NDFIP2: variants seen among roughly 807,000 people sequenced by gnomAD.
The protein encoded by NDFIP2 is Nedd4 family interacting protein 2.
NDFIP2 carries 19 observed loss-of-function variants against 36.0 expected under a neutral mutation model. That is an observed-to-expected ratio of 0.53 (90% CI 0.37 to 0.77). The LOEUF is 0.77. Ranked by LOEUF, NDFIP2 falls within the 30% of genes least tolerant of loss-of-function variation. The pLI, the probability that NDFIP2 is intolerant of heterozygous loss-of-function variation, is 0.00. For missense variants in NDFIP2, 446 were observed against 435.8 expected (o/e 1.02, Z -0.21); for synonymous variants, 181 against 167.7 (o/e 1.08, Z -0.61).
chr13:79,507,045 A>G (rs1398954699), intron 1 of NDFIP2, among the ~76,000 whole-genome samples: 1 of 152,096 alleles, frequency 6.6e-6, no homozygotes, highest in African/African-American at 2.4e-5. Flanking sequence ...GCCATGAAAG[A>G]TGAAGTTGAG....
At position 79,543,628 on chromosome 13, in the gene NDFIP2, T is replaced by G; in HGVS notation, c.786T>G (p.Tyr262Ter). Residue 262 changes from tyrosine to a stop codon, truncating the protein, a stop_gained, in exon 5 of 8, where the codon TAT (tyrosine) becomes TAG (stop). Transcript: ENST00000218652. LOFTEE classifies it high-confidence loss of function. ...TCACCAATACCATAGCTGGAAGGTA[T>G]GGTGCTATCTGCGGATTTGGCCTTT... ...FCITNTIAGR[Y>*]GAICGFGLSL... is the part of the protein sequence containing the mutation. 1 of 1,614,070 alleles carries G rather than the reference T, an allele frequency of 6.2e-7. No homozygotes were observed. Among genetic ancestry groups the G allele is most frequent in the Non-Finnish European group, 8.5e-7 (1 of 1,179,954 alleles).
Position 79,481,201 on chromosome 13 carries a change from C to T in NDFIP2, c.-3C>T, listed in dbSNP as rs1208780740. ...CAGCTATACCCTCCCACTGGCGGCG[C>T]GGATGGCACGCCGGCGGAGCCAGCG... On this transcript the variant is annotated 5_prime_UTR_variant, in exon 1 of 8. Transcript: ENST00000218652. 1.3e-6 allele frequency: 2 copies of T among 1,503,040 alleles called. No individual in the cohort carries two copies. The highest frequency in any genetic ancestry group is 1.8e-6 in the Non-Finnish European group (2 of 1,133,814). 93.1% of individuals were successfully genotyped at this position (1,503,040 alleles called of 1,614,324 possible). A position where few individuals can be genotyped will look rare whatever the true frequency, so the allele number is the denominator to read the frequency against.
At chr13:79,517,028 G>C (rs935960292) in intron 1 of NDFIP2, among the ~76,000 whole-genome samples, 33 of 152,062 alleles carry the variant, frequency 2.2e-4, no homozygotes, top group South Asian at 4.1e-4. Context: ...CAGTTTTCTT[G>C]TTATTAAAAA....
At chr13:79,514,610 T>C (rs1874204408) in intron 1 of NDFIP2, among the ~76,000 whole-genome samples, 2 of 152,158 alleles carry the variant, frequency 1.3e-5, no homozygotes, top group Non-Finnish European at 2.9e-5. Context: ...CTGAACAATA[T>C]GTAGAGTTAG....
intron 1 of NDFIP2, among the ~76,000 whole-genome samples, chr13:79,517,263 T>C (rs1045603476): frequency 1.3e-5 from 2 of 152,158 alleles, no homozygotes; most frequent in Non-Finnish European, 2.9e-5. Flanking sequence ...TTTGAGGTGA[T>C]GTATAAATAG....
chr13:79,534,079 C>T (rs1371298040), intron 3 of NDFIP2, among the ~76,000 whole-genome samples: 1 of 152,152 alleles, frequency 6.6e-6, no homozygotes, highest in East Asian at 1.9e-4. Context: ...GCCTTCACTT[C>T]GCATCCTAAC....
At chr13:79,484,340 G>C (rs1414095654) in intron 1 of NDFIP2, among the ~76,000 whole-genome samples, 1 of 152,056 alleles carries the variant, frequency 6.6e-6, no homozygotes. Flanking sequence ...AAAGGATTAT[G>C]TACCTGTACC....
intron 4 of NDFIP2, among the ~76,000 whole-genome samples, chr13:79,540,412 A>G (rs1875409873): frequency 6.6e-6 from 1 of 152,172 alleles, no homozygotes; most frequent in African/African-American, 2.4e-5. Flanking sequence ...GACATAGTAA[A>G]CTCATTAAAT....
chr13:79,512,223 A>G (rs527432431), intron 1 of NDFIP2, among the ~76,000 whole-genome samples: 4 of 152,214 alleles, frequency 2.6e-5, no homozygotes, highest in Admixed American at 6.5e-5. Flanking sequence ...TATATTGTCA[A>G]TGCCTTTGTT....
At chr13:79,550,848 G>T (rs1351407926) in intron 6 of NDFIP2, among the ~76,000 whole-genome samples, 169 bp from the exon 7 acceptor site, 1 of 151,464 alleles carries the variant, frequency 6.6e-6, no homozygotes, top group Non-Finnish European at 1.5e-5. Context: ...GTATTTCCTT[G>T]TGACAGAGTT....
intron 4 of NDFIP2, among the ~76,000 whole-genome samples, chr13:79,540,864 T>G (rs1365610609): frequency 2.0e-5 from 3 of 152,202 alleles, no homozygotes; most frequent in African/African-American, 7.2e-5. Context: ...CTAATGTATA[T>G]GCAAGATTTA....
intron 2 of NDFIP2, 30 bp downstream of exon 2, chr13:79,521,005 GTTC>G (rs766305137): frequency 1.4e-6 from 2 of 1,478,474 alleles, no homozygotes. Flanking sequence ...GTTTTTATTA[GTTC>G]TTTTTTTTTT....
intron 3 of NDFIP2, among the ~76,000 whole-genome samples, chr13:79,537,626 G>A (rs866914469): frequency 4.6e-5 from 7 of 152,080 alleles, no homozygotes; most frequent in Non-Finnish European, 1.0e-4. Context: ...CTTTGTGCCC[G>A]AATAATAAGC....
Position 79,496,497 on chromosome 13 carries a change from G to A in NDFIP2, c.321+14973G>A, listed in dbSNP as rs114060067. 2.1e-3 allele frequency among the ~76,000 whole-genome samples: 322 copies of A among 151,982 alleles called. 3 individuals carry two copies. The highest frequency in any genetic ancestry group is 7.5e-3 in the African/African-American group (313 of 41,502). On this transcript the variant is annotated intron_variant, in intron 1 of 7. Coordinates refer to ENST00000218652, the MANE Select transcript of NDFIP2 (RefSeq NM_019080.3). ...TTCTGTTTATCTTTGATTTTTTGAA[G>A]TTGTGTAATGATAAGTCTAGGTGTA... is the stretch of plus-strand genomic sequence containing the variant.
At position 79,507,342 on chromosome 13, in the gene NDFIP2, C is replaced by T. The variant is rs1334248288; in HGVS notation, c.322-13468C>T. 4.0e-4 allele frequency among the ~76,000 whole-genome samples: 7 copies of T among 17,410 alleles called. 3 individuals carry two copies. Among genetic ancestry groups the T allele is most frequent in the Non-Finnish European group, 5.6e-4 (7 of 12,392 alleles). The allele number at this position is 17,410 out of a possible 152,430, so 11.4% of individuals were successfully genotyped here. On this transcript the variant is annotated intron_variant, in intron 1 of 7. Coordinates refer to ENST00000218652, the MANE Select transcript of NDFIP2 (RefSeq NM_019080.3). ...AGGCTGGAGTGCAGTGGCGGGATCT[C>T]GGCTCACTGCAAGCTCCGCCTCCCG...
chr13:79,531,360 G>T (rs1217886072), intron 2 of NDFIP2, among the ~76,000 whole-genome samples: 1 of 152,128 alleles, frequency 6.6e-6, no homozygotes, highest in South Asian at 2.1e-4. Flanking sequence ...AATGAGCATT[G>T]GCTTCAACTT....
chr13:79,529,070 A>G (rs1057358880), intron 2 of NDFIP2, among the ~76,000 whole-genome samples: 4 of 152,120 alleles, frequency 2.6e-5, no homozygotes, highest in East Asian at 1.9e-4. Flanking sequence ...ATACTCTTCT[A>G]TTTTATCCCA....
chr13:79,538,770 G>T (rs1875344530), intron 3 of NDFIP2, among the ~76,000 whole-genome samples: 1 of 152,108 alleles, frequency 6.6e-6, no homozygotes, highest in Non-Finnish European at 1.5e-5. Flanking sequence ...TTTAGTAGAG[G>T]CAGGGTTTCA....
chr13:79,540,276 G>C (rs796351258), intron 4 of NDFIP2, among the ~76,000 whole-genome samples: 1 of 152,172 alleles, frequency 6.6e-6, no homozygotes, highest in Non-Finnish European at 1.5e-5. Context: ...GTAGTTAGAA[G>C]ATCAGAAACA....
Sources: allele counts gnomAD v4.1 joint callset (sites outside exome capture counted in the v4.1 genomes callset), GRCh38; gene constraint gnomAD v4.1.1; transcripts MANE v1.5; gene names NCBI Gene and HGNC (gene_info 2026-07-23, HGNC 2026-07-21).